TIAM2: variants seen among roughly 807,000 people sequenced by gnomAD.
TIAM2 encodes rho guanine nucleotide exchange factor TIAM2.
In TIAM2, 80 loss-of-function variants were observed where a neutral mutation model predicts 152.9. The observed-to-expected ratio is 0.52, with a 90% CI of 0.44 to 0.63. The LOEUF (loss-of-function observed/expected upper bound fraction) is 0.63. Among genes scored for constraint, TIAM2 ranks in the 30% least tolerant of loss-of-function variants. The pLI, the probability that TIAM2 is intolerant of heterozygous loss-of-function variation, is 0.00. For missense variants in TIAM2, 1,965 were observed against 2,120.1 expected (o/e 0.93, Z 1.44); for synonymous variants, 804 against 838.0 (o/e 0.96, Z 0.70).
intron 1 of TIAM2, among the ~76,000 whole-genome samples, chr6:155,057,447 G>T (rs1252853388): frequency 6.7e-6 from 1 of 149,494 alleles, no homozygotes; most frequent in African/African-American, 2.5e-5. Flanking sequence ...AACATGATTT[G>T]TCACTGTTGA....
intron 1 of TIAM2, among the ~76,000 whole-genome samples, chr6:155,068,614 C>CCCCGGG (rs1777762682): frequency 6.9e-6 from 1 of 144,270 alleles, no homozygotes. Flanking sequence ...CCCCCCATCA[C>CCCCGGG]GTCTGGCTAA....
chr6:155,222,549 C>T (rs1391712304), intron 15 of TIAM2, among the ~76,000 whole-genome samples: 2 of 149,546 alleles, frequency 1.3e-5, no homozygotes, highest in African/African-American at 4.9e-5. Flanking sequence ...TGCAGTGAGC[C>T]AAGACTGCAC....
At chr6:155,090,948 C>A (rs973336792) in intron 2 of TIAM2, among the ~76,000 whole-genome samples, 1 of 152,098 alleles carries the variant, frequency 6.6e-6, no homozygotes, top group Non-Finnish European at 1.5e-5. Flanking sequence ...AGTACTAAAG[C>A]AGGAAAGCTG....
chr6:155,251,225 C>A (rs1475979721), intron 22 of TIAM2, among the ~76,000 whole-genome samples: 4 of 152,232 alleles, frequency 2.6e-5, no homozygotes, highest in Non-Finnish European at 4.4e-5. Flanking sequence ...CCTTCTGCTG[C>A]TTGGCTCAGG....
chr6:155,101,428 G>A (rs1482644401), intron 2 of TIAM2, among the ~76,000 whole-genome samples: 1 of 152,174 alleles, frequency 6.6e-6, no homozygotes, highest in African/African-American at 2.4e-5. Context: ...CATCCAAGGT[G>A]CACATTTACG....
Position 155,130,256 on chromosome 6 carries a change from G to A in TIAM2, c.1033G>A (p.Val345Met), listed in dbSNP as rs745961363. The change falls in exon 4 of 27, where the codon GTG becomes ATG. Residue 345 changes from valine (V) to methionine (M), a missense_variant. Physicochemically the swap from Val to Met is conservative, Grantham distance 21. Transcript: ENST00000682666. Reference sequence around the variant, plus strand: ...TTCCGACATTGATGTGCCCTCCAGAGTGGCACACGGGGACCCCATCCAGTA... The same window carrying A: ...TTCCGACATTGATGTGCCCTCCAGAATGGCACACGGGGACCCCATCCAGTA... ...FASDIDVPSR[V>M]AHGDPIQYSS... 1 of 1,614,186 alleles carries A rather than the reference G, an allele frequency of 6.2e-7. No individual in the cohort carries two copies. Among genetic ancestry groups the A allele is most frequent in the Admixed American group, 1.7e-5 (1 of 60,014 alleles).
chr6:155,165,891 G>A (rs1234283488), intron 9 of TIAM2, among the ~76,000 whole-genome samples: 1 of 151,854 alleles, frequency 6.6e-6, no homozygotes, highest in Non-Finnish European at 1.5e-5. Context: ...ATCTATCCCG[G>A]CACCCCTGAA....
intron 1 of TIAM2, among the ~76,000 whole-genome samples, chr6:155,008,103 C>T (rs1300466109): frequency 6.6e-6 from 1 of 152,104 alleles, no homozygotes; most frequent in Admixed American, 6.5e-5. Flanking sequence ...TGGCTTTTTC[C>T]ATTGTCTAAA....
chr6:155,102,869 C>G (rs1448058108), intron 2 of TIAM2, among the ~76,000 whole-genome samples: 1 of 149,336 alleles, frequency 6.7e-6, no homozygotes, highest in Non-Finnish European at 1.5e-5. Context: ...ATAGAAAAAT[C>G]AAAAGAATTG....
intron 15 of TIAM2, among the ~76,000 whole-genome samples, chr6:155,231,334 T>C (rs949696983): frequency 6.6e-6 from 1 of 152,268 alleles, no homozygotes; most frequent in Non-Finnish European, 1.5e-5. Context: ...CTGTCTAGTC[T>C]AGAAGACAAA....
intron 1 of TIAM2, among the ~76,000 whole-genome samples, chr6:155,010,478 G>A (rs1410690960): frequency 6.6e-6 from 1 of 151,994 alleles, no homozygotes; most frequent in African/African-American, 2.4e-5. Context: ...TTTTTGAGAT[G>A]GAGTTTCGCT....
At chr6:155,032,609 C>T (rs866335653) in intron 1 of TIAM2, among the ~76,000 whole-genome samples, 12 of 152,178 alleles carry the variant, frequency 7.9e-5, no homozygotes, top group African/African-American at 2.2e-4. Context: ...GGCGTGATCT[C>T]GGCTCACTGC....
rs148899051 is a variant in TIAM2, at chr6:155,022,000, A to T, written c.-209+26508A>T. On this transcript the variant is annotated intron_variant, in intron 1 of 26. Coordinates refer to ENST00000682666, the MANE Select transcript of TIAM2 (RefSeq NM_012454.4). ...CTTCGTGCTGTTTACCTCACAGTTT[A>T]CCTCTCAGTTTAATTGCCAACTAGT... Among the ~76,000 whole-genome samples the T allele has an allele frequency of 2.5e-3, 375 of 152,140 alleles. 2 individuals are homozygous for T. The highest frequency in any genetic ancestry group is 8.6e-3 in the African/African-American group (358 of 41,514).
At chr6:155,125,228 A>T (rs1236768636) in intron 2 of TIAM2, among the ~76,000 whole-genome samples, 1 of 151,856 alleles carries the variant, frequency 6.6e-6, no homozygotes, top group Non-Finnish European at 1.5e-5. Context: ...TCGAGATTGT[A>T]CCGCTGCACT....
chr6:155,107,794 GTCCATTAGAGGCTGC>G (rs1250307526), intron 2 of TIAM2, among the ~76,000 whole-genome samples: 1 of 152,298 alleles, frequency 6.6e-6, no homozygotes, highest in Non-Finnish European at 1.5e-5. Context: ...TCATATTCTA[GTCCATTAGAGGCTGC>G]TCATTCATTA....
At chr6:155,063,549 C>T (rs907930131) in intron 1 of TIAM2, among the ~76,000 whole-genome samples, 38 of 152,048 alleles carry the variant, frequency 2.5e-4, no homozygotes, top group African/African-American at 7.5e-4. Flanking sequence ...TTTGGAAGGC[C>T]GAGGTGGGCG....
At chr6:155,177,112 T>C (rs923960195) in intron 10 of TIAM2, 135 bp downstream of exon 10, 3 of 759,186 alleles carry the variant, frequency 4.0e-6, no homozygotes, top group East Asian at 6.0e-5. Flanking sequence ...TATTTATTAG[T>C]TAATATATTT....
chr6:155,125,774 G>T (rs973638706), intron 2 of TIAM2, among the ~76,000 whole-genome samples: 2 of 151,942 alleles, frequency 1.3e-5, no homozygotes, highest in Non-Finnish European at 2.9e-5. Context: ...GGAGGCGGAG[G>T]TTGCAGTGAG....
chr6:155,065,020 A>G (rs1371145746), intron 1 of TIAM2, among the ~76,000 whole-genome samples: 1 of 152,050 alleles, frequency 6.6e-6, no homozygotes, highest in Non-Finnish European at 1.5e-5. Flanking sequence ...CAGTGGTGCA[A>G]TCTCAGCTCA....
Sources: gnomAD v4.1 joint callset for allele counts (sites outside exome capture counted in the v4.1 genomes callset) on GRCh38, gnomAD v4.1.1 for gene constraint, MANE v1.5 for transcripts, NCBI Gene and HGNC (gene_info 2026-07-23, HGNC 2026-07-21) for gene names.